Variants in C1GALT1 observed in about 807,000 individuals in gnomAD.
C1GALT1 encodes the protein glycoprotein-N-acetylgalactosamine 3-beta-galactosyltransferase 1.
In C1GALT1, 11 loss-of-function variants were observed where a neutral mutation model predicts 31.0. The observed-to-expected ratio is 0.36, with a 90% confidence interval of 0.22 to 0.59. C1GALT1 has a LOEUF of 0.59. Ranked by LOEUF, C1GALT1 falls within the 20% of genes least tolerant of loss-of-function variation. The probability of loss-of-function intolerance (pLI) is 0.79; values close to 1 mark genes in which losing one functional copy is unlikely to be tolerated. For missense variants in C1GALT1, 424 were observed against 425.2 expected (o/e 1.00, Z 0.03); for synonymous variants, 175 against 143.6 (o/e 1.22, Z -1.56).
At position 7,199,979 on chromosome 7, in the gene C1GALT1, C is replaced by T. The variant is rs562746061; in HGVS notation, c.-18+17159C>T. On this transcript the variant is annotated intron_variant, in intron 1 of 3. Coordinates refer to ENST00000436587, the MANE Select transcript of C1GALT1 (RefSeq NM_020156.5). ...TCCTGAATACAGCACACTGATGGGTCTTGACTCTTTATCCAGTTTGCCAGT... is the reference window on the plus strand; with the variant it reads ...TCCTGAATACAGCACACTGATGGGTTTTGACTCTTTATCCAGTTTGCCAGT... Among the ~76,000 whole-genome samples the T allele has an allele frequency of 4.6e-5, 7 of 152,276 alleles. No homozygotes were observed. In the South Asian group the frequency reaches 1.5e-3, roughly 32 times the overall value.
chr7:7,165,014 CT>C (rs1254587101), intron 2 of C1GALT1, among the ~76,000 whole-genome samples: 6 of 152,224 alleles, frequency 3.9e-5, no homozygotes, highest in African/African-American at 1.4e-4. Flanking sequence ...TGCCTGTCAA[CT>C]TTATTCATTT....
intron 1 of C1GALT1, among the ~76,000 whole-genome samples, chr7:7,204,273 G>C (rs1011850293): frequency 6.6e-6 from 1 of 151,852 alleles, no homozygotes; most frequent in South Asian, 2.1e-4. Flanking sequence ...AGGATTTTCA[G>C]ATTTTCTGTT....
intron 1 of C1GALT1, among the ~76,000 whole-genome samples, chr7:7,189,446 T>G (rs918106040): frequency 1.3e-5 from 2 of 152,224 alleles, no homozygotes; most frequent in Non-Finnish European, 1.5e-5. Flanking sequence ...TAATAAACTT[T>G]AAAAGTTTTG....
rs371574673 is a variant in C1GALT1 at position 7,215,633 on chromosome 7, C to T, written c.-17-18670C>T. ...CAGTTAGGGTTTTCAAGAAGTATTG[C>T]CTCTCTTCCTATTGGGAATAGTGTT... On this transcript the variant is annotated intron_variant, in intron 1 of 3. Coordinates refer to ENST00000436587, the MANE Select transcript of C1GALT1 (RefSeq NM_020156.5). Among the ~76,000 whole-genome samples, 152 of 152,236 alleles carry T rather than the reference C, an allele frequency of 1.0e-3. 1 individual carries two copies. Among genetic ancestry groups the T allele is most frequent in the African/African-American group, 3.5e-3 (144 of 41,546 alleles).
At position 7,234,443 on chromosome 7, in the gene C1GALT1, C is replaced by T; in HGVS notation, c.124C>T (p.Leu42Phe). Residue 42 changes from leucine to phenylalanine, a missense_variant, in exon 2 of 4, where the codon CTT becomes TTT. By Grantham distance (22) the Leu-to-Phe change is conservative. This residue lies in a region of C1GALT1 where 189 missense variants were observed against 158.2 expected (regional missense o/e 1.19). Coordinates refer to ENST00000436587, the MANE Select transcript of C1GALT1 (RefSeq NM_020156.5). Reference sequence around the variant, plus strand: ...AAAGGTTGACACCCAGCCTAATGTTCTTCATAATGATCCTCATGCAAGGCA... The same window carrying T: ...AAAGGTTGACACCCAGCCTAATGTTTTTCATAATGATCCTCATGCAAGGCA... ...GEKVDTQPNV[L>F]HNDPHARHSD... is the part of the protein sequence containing the mutation. 1.9e-6 allele frequency: 3 copies of T among 1,613,868 alleles called. No individual in the cohort carries two copies. Among genetic ancestry groups the T allele is most frequent in the Non-Finnish European group, 2.5e-6 (3 of 1,179,844 alleles).
At position 7,219,011 on chromosome 7, in the gene C1GALT1, T is replaced by A. The variant is rs568793106; in HGVS notation, c.-17-15292T>A. Among the ~76,000 whole-genome samples, 8 of 151,378 alleles carry A rather than the reference T, an allele frequency of 5.3e-5. No homozygotes were observed. The South Asian group carries it at 1.7e-3, about 32-fold the overall frequency. ...ACCACACCCGGCTAATTTTTTGTAT[T>A]TTTTTTTAGCAGAGACAGGGTTTCA... On this transcript the variant is annotated intron_variant, in intron 1 of 3. Transcript: ENST00000436587.
chr7:7,233,143 C>T (rs1562593309), intron 1 of C1GALT1, among the ~76,000 whole-genome samples: 1 of 152,076 alleles, frequency 6.6e-6, no homozygotes, highest in Non-Finnish European at 1.5e-5. Flanking sequence ...GCGTTTATGT[C>T]AATGTTTGGT....
chr7:7,205,759 A>G (rs893197320), intron 1 of C1GALT1, among the ~76,000 whole-genome samples: 3 of 152,170 alleles, frequency 2.0e-5, no homozygotes, highest in African/African-American at 7.2e-5. Context: ...TGAATGGAAT[A>G]TCTTTTTTTC....
chr7:7,193,956 C>G (rs57381723), intron 1 of C1GALT1, among the ~76,000 whole-genome samples: 5,188 of 151,478 alleles, frequency 0.034, 196 homozygotes, highest in African/African-American at 0.096. Flanking sequence ...AGTTTGAGTT[C>G]TTGATTTGAT....
rs1783482552 is a variant in C1GALT1, at chr7:7,238,731, A to G, written c.697A>G (p.Thr233Ala). The G allele has an allele frequency of 6.2e-7, 1 of 1,613,870 alleles. No individual in the cohort carries two copies. The highest frequency in any genetic ancestry group is 8.5e-7 in the Non-Finnish European group (1 of 1,179,940). ...TGATGCATTTAAAACAGACAAGTGT[A>G]CACATAGTTCCTCCATTGAAGACTT... Reference protein sequence around the residue: ...FVDAFKTDKCTHSSSIEDLAL... With the variant: ...FVDAFKTDKCAHSSSIEDLAL... The change falls in exon 3 of 4, where the codon ACA (threonine) becomes GCA (alanine). Residue 233 changes from threonine (T) to alanine (A), a missense_variant. By Grantham distance (58) the Thr-to-Ala change is moderately conservative. Around this residue, in one of 3 missense-constraint regions of C1GALT1, gnomAD observed 191 missense variants for 188.8 expected, o/e 1.01. Transcript: ENST00000436587. This position sits in a 1 kb window ranked among gnomAD's most constrained non-coding sequence, Gnocchi z 5.2.
At chr7:7,164,250 A>C (rs1780369376) in intron 2 of C1GALT1, among the ~76,000 whole-genome samples, 1 of 152,220 alleles carries the variant, frequency 6.6e-6, no homozygotes. Context: ...GTGCTGGGGA[A>C]ACTGGCTAGC....
rs575029977 is a variant in C1GALT1 at position 7,207,390 on chromosome 7, T to C, written c.-18+24570T>C. ...TGAGGTCTCACTCTGTTGCTCAGGC[T>C]GGACTCAAACTCCTGGGCTCAAGCA... On this transcript the variant is annotated intron_variant, in intron 1 of 3. Transcript: ENST00000436587. 9.6e-5 allele frequency among the ~76,000 whole-genome samples: 12 copies of C among 125,302 alleles called. No individual in the cohort carries two copies. The South Asian group carries it at 3.1e-3, about 32-fold the overall frequency. The allele number at this position is 125,302 out of a possible 152,430, so 82.2% of individuals were successfully genotyped here. A position where few individuals can be genotyped will look rare whatever the true frequency, so the allele number is the denominator to read the frequency against.
intron 2 of C1GALT1, among the ~76,000 whole-genome samples, chr7:7,166,289 G>C (rs569762934): frequency 6.6e-6 from 1 of 151,300 alleles, no homozygotes; most frequent in African/African-American, 2.4e-5. Context: ...CAAAAATTGT[G>C]GTATATTCTT....
chr7:7,158,808 A>G (rs1780301809), intron 2 of C1GALT1, among the ~76,000 whole-genome samples: 1 of 152,084 alleles, frequency 6.6e-6, no homozygotes. Context: ...TAATTAGATA[A>G]CATTTCTTTC....
intron 1 of C1GALT1, among the ~76,000 whole-genome samples, chr7:7,215,417 C>G (rs551832430): frequency 6.6e-6 from 1 of 152,230 alleles, no homozygotes; most frequent in South Asian, 2.1e-4. Flanking sequence ...GCCAAAAGCC[C>G]GACTGGTAAG....
chr7:7,159,044 T>A (rs1780304104), intron 2 of C1GALT1, among the ~76,000 whole-genome samples: 1 of 152,184 alleles, frequency 6.6e-6, no homozygotes, highest in Non-Finnish European at 1.5e-5. Context: ...AGGGCATGTT[T>A]GTGACTTATG....
At chr7:7,213,633 C>T (rs1782106816) in intron 1 of C1GALT1, among the ~76,000 whole-genome samples, 3 of 152,208 alleles carry the variant, frequency 2.0e-5, no homozygotes, top group Non-Finnish European at 2.9e-5. Flanking sequence ...AAAAATCTTT[C>T]ATTAGCCTTT....
rs563303387 is a variant in C1GALT1 at position 7,238,838 on chromosome 7, C to G, written c.804C>G (p.Pro268=). The G allele has an allele frequency of 9.6e-5, 155 of 1,613,876 alleles. No individual in the cohort carries two copies. In the East Asian group the frequency reaches 3.4e-3, roughly 36 times the overall value. ...CCATTGGAAAAGAAACTTTTCATCC[C>G]TTTGTGCCAGAACACCATTTAATTA... ...RDTIGKETFH[P]FVPEHHLIKG... The change falls in exon 3 of 4, where the codon CCC becomes CCG. Residue 268 remains proline, a synonymous_variant. Coordinates refer to ENST00000436587, the MANE Select transcript of C1GALT1 (RefSeq NM_020156.5). This position sits in a 1 kb window ranked among gnomAD's most constrained non-coding sequence, Gnocchi z 5.2.
Position 7,234,337 on chromosome 7 carries a change from G to T in C1GALT1, c.18G>T (p.Trp6Cys), listed in dbSNP as rs1220006944. 6.2e-7 allele frequency: 1 copy of T among 1,613,610 alleles called. No individual in the cohort carries two copies. Among genetic ancestry groups the T allele is most frequent in the East Asian group, 2.2e-5 (1 of 44,816 alleles). MASKSWLNFLTFLCGS... is the reference protein window; with the variant it reads MASKSCLNFLTFLCGS... ...TTCGGGAAATGGCCTCTAAATCCTG[G>T]CTGAATTTTTTAACCTTCCTCTGTG... Residue 6 changes from tryptophan (W) to cysteine (C), a missense_variant, in exon 2 of 4, where the codon TGG (tryptophan) becomes TGT (cysteine). Coordinates refer to ENST00000436587, the MANE Select transcript of C1GALT1 (RefSeq NM_020156.5).
Sources: allele counts gnomAD v4.1 joint callset (sites outside exome capture counted in the v4.1 genomes callset), GRCh38; gene constraint gnomAD v4.1.1; regional missense constraint gnomAD v4.1.1; non-coding constraint Gnocchi (gnomAD v3.1); transcripts MANE v1.5; gene names NCBI Gene and HGNC (gene_info 2026-07-23, HGNC 2026-07-21).